Variants in ACACA observed in about 807,000 individuals in gnomAD.
The protein encoded by ACACA is acetyl-CoA carboxylase 1.
In ACACA, 103 loss-of-function variants were observed where a neutral mutation model predicts 296.1. The ratio of observed to expected loss-of-function variants is 0.35; its 90% CI spans 0.30 to 0.41. The LOEUF is 0.41. ACACA is among the 10% of genes least tolerant of loss of function. ACACA has a pLI of 1.00. For missense variants in ACACA, 1,554 were observed against 2,989.7 expected, an observed-to-expected ratio of 0.52 and a Z score of 11.20; for synonymous variants, 953 against 1,038.6, an observed-to-expected ratio of 0.92 and a Z score of 1.58.
chr17:37,312,952 G>A (rs1463273620), intron 3 of ACACA, among the ~76,000 whole-genome samples: 1 of 152,080 alleles, frequency 6.6e-6, no homozygotes, highest in Non-Finnish European at 1.5e-5. Flanking sequence ...TGATACATTT[G>A]GCAGATCAGG....
At chr17:37,226,880 A>C (rs1234783923) in intron 25 of ACACA, among the ~76,000 whole-genome samples, 1 of 152,136 alleles carries the variant, frequency 6.6e-6, no homozygotes, top group Non-Finnish European at 1.5e-5. Flanking sequence ...AAAAAGAACC[A>C]CCCCAGTGGT....
Position 37,390,173 on chromosome 17 carries a change from T to TAC in ACACA, c.38+16088_38+16089insGT, listed in dbSNP as rs1345364710. On this transcript the variant is annotated intron_variant, in intron 1 of 55. Coordinates refer to ENST00000616317, the MANE Select transcript of ACACA (RefSeq NM_198834.3). The stretch of plus-strand genomic sequence containing the variant: ...ATATATATATATATATATATATATA[T>TAC]ATACACACACACATTATATATAAAT... 4.3e-3 allele frequency among the ~76,000 whole-genome samples: 193 copies of TAC among 44,986 alleles called. 8 individuals are homozygous for TAC. The highest frequency in any genetic ancestry group is 5.4e-3 in the Non-Finnish European group (145 of 26,962). The allele number at this position is 44,986 out of a possible 152,430, so 29.5% of individuals were successfully genotyped here.
chr17:37,310,270 G>C (rs2084068102), intron 3 of ACACA, among the ~76,000 whole-genome samples: 1 of 152,074 alleles, frequency 6.6e-6, no homozygotes. Flanking sequence ...TTTTTGGTTT[G>C]AGCAGAGTGG....
intron 1 of ACACA, chr17:37,359,231 A>G: frequency 1.3e-6 from 1 of 796,606 alleles, no homozygotes; most frequent in Non-Finnish European, 1.5e-6. Flanking sequence ...GGGTTACTCC[A>G]GGCCGTTCAC....
chr17:37,334,290 A>G (rs2048012632), intron 2 of ACACA, among the ~76,000 whole-genome samples: 1 of 152,064 alleles, frequency 6.6e-6, no homozygotes, highest in Non-Finnish European at 1.5e-5. Flanking sequence ...GAGACAGCCA[A>G]CTTAGTTGCA....
chr17:37,115,954 C>G (rs2074226357), intron 50 of ACACA, among the ~76,000 whole-genome samples: 1 of 151,924 alleles, frequency 6.6e-6, no homozygotes, highest in Non-Finnish European at 1.5e-5. Flanking sequence ...CTTGTTGGCC[C>G]TAATGTCCAC....
intron 45 of ACACA, among the ~76,000 whole-genome samples, chr17:37,147,769 G>A (rs941110675): frequency 1.3e-5 from 2 of 152,148 alleles, no homozygotes; most frequent in Non-Finnish European, 2.9e-5. Flanking sequence ...TAAAGCTATA[G>A]CTTTATTTAT....
At chr17:37,202,690 TATATATATATATATATATATATAC>T (rs1310453842) in intron 33 of ACACA, among the ~76,000 whole-genome samples, 1 of 16,956 alleles carries the variant, frequency 5.9e-5, no homozygotes, top group Non-Finnish European at 1.0e-4. Flanking sequence ...TATATATATA[TATATATATATATATATATATATAC>T]ACACACACAT....
intron 39 of ACACA, among the ~76,000 whole-genome samples, chr17:37,182,203 T>C (rs558935410): frequency 1.2e-3 from 182 of 152,278 alleles, no homozygotes; most frequent in African/African-American, 4.2e-3. Flanking sequence ...TAAGTATTAC[T>C]AGCTATGCAA....
In ACACA at chr17:37,165,781, TCCTCCCATCTCAG is replaced by T. The variant is rs533182999; in HGVS notation, c.5080-3744_5080-3732del. On this transcript the variant is annotated intron_variant, in intron 41 of 55. Coordinates refer to ENST00000616317, the MANE Select transcript of ACACA (RefSeq NM_198834.3). Reference sequence around the variant, plus strand: ...CCTTCAACTCCTGGGCTCAAGGCAATCCTCCCATCTCAGCCTCCCAAATAACTGGGACTACAGG... The same window carrying T: ...CCTTCAACTCCTGGGCTCAAGGCAATCCTCCCAAATAACTGGGACTACAGG... Among the ~76,000 whole-genome samples, 14 of 150,456 alleles carry T rather than the reference TCCTCCCATCTCAG, an allele frequency of 9.3e-5. No individual in the cohort carries two copies. In the East Asian group the frequency reaches 2.8e-3, roughly 30 times the overall value.
intron 2 of ACACA, among the ~76,000 whole-genome samples, chr17:37,331,284 A>AT: frequency 6.7e-6 from 1 of 149,314 alleles, no homozygotes; most frequent in Middle Eastern, 3.5e-3. Flanking sequence ...CACCCAGCTA[A>AT]TTTTTTGTAT....
chr17:37,197,996 CT>C (rs2078080737), intron 35 of ACACA, among the ~76,000 whole-genome samples: 1 of 152,318 alleles, frequency 6.6e-6, no homozygotes, highest in African/African-American at 2.4e-5. Flanking sequence ...GGAAGACCCC[CT>C]GCTGGCCTCA....
intron 4 of ACACA, 23 bp downstream of exon 4, chr17:37,284,815 T>C (rs774339494): frequency 1.9e-5 from 30 of 1,613,986 alleles, no homozygotes; most frequent in Non-Finnish European, 2.5e-5. Flanking sequence ...TTTGACAAAA[T>C]AATTCAGCAA....
chr17:37,323,890 T>C (rs1471092928), intron 3 of ACACA, among the ~76,000 whole-genome samples: 17 of 152,164 alleles, frequency 1.1e-4, no homozygotes, highest in Admixed American at 1.0e-3. Context: ...ACTGCCAATA[T>C]CCATACAACT....
chr17:37,268,582 T>G (rs1250804574), intron 10 of ACACA, among the ~76,000 whole-genome samples: 1 of 152,048 alleles, frequency 6.6e-6, no homozygotes, highest in East Asian at 1.9e-4. Context: ...AGAAGATATA[T>G]CTAGGGGAAA....
chr17:37,093,491 T>C (rs1009485586), intron 54 of ACACA, among the ~76,000 whole-genome samples: 2 of 152,236 alleles, frequency 1.3e-5, no homozygotes, highest in African/African-American at 4.8e-5. Context: ...GAGCCAGACA[T>C]TGTGTTCCAT....
intron 1 of ACACA, among the ~76,000 whole-genome samples, chr17:37,397,123 T>A (rs2051108716): frequency 6.6e-6 from 1 of 150,652 alleles, no homozygotes; most frequent in Non-Finnish European, 1.5e-5. Flanking sequence ...CACCTATGAG[T>A]GAGAACATGC....
At chr17:37,299,314 C>T in intron 3 of ACACA, 1 of 1,613,872 alleles carries the variant, frequency 6.2e-7, no homozygotes, top group South Asian at 1.1e-5. Context: ...TCCTTATTTT[C>T]CTCTGGAGAA....
At chr17:37,313,438 G>A (rs1199838822) in intron 3 of ACACA, among the ~76,000 whole-genome samples, 2 of 152,122 alleles carry the variant, frequency 1.3e-5, no homozygotes, top group African/African-American at 2.4e-5. Context: ...ACAGAGGATT[G>A]ATAGCCAGAA....
Sources: allele counts gnomAD v4.1 joint callset (sites outside exome capture counted in the v4.1 genomes callset), GRCh38; gene constraint gnomAD v4.1.1; transcripts MANE v1.5; gene names NCBI Gene and HGNC (gene_info 2026-07-23, HGNC 2026-07-21).